The following SLC16A12 variants were observed in gnomAD, a reference collection of about 807,000 sequenced individuals.
The protein encoded by SLC16A12 is solute carrier family 16 member 12.
SLC16A12 carries 17 observed loss-of-function variants against 42.4 expected under a neutral mutation model. The ratio of observed to expected loss-of-function variants is 0.40; its 90% CI spans 0.27 to 0.60. SLC16A12 has a LOEUF of 0.60. Ranked by LOEUF, SLC16A12 falls within the 20% of genes least tolerant of loss-of-function variation. The probability of loss-of-function intolerance (pLI) is 0.42; values close to 1 mark genes in which losing one functional copy is unlikely to be tolerated. For synonymous variants in SLC16A12, 224 were observed against 229.4 expected, an observed-to-expected ratio of 0.98 and a Z score of 0.21; for missense variants, 544 against 623.0, an observed-to-expected ratio of 0.87 and a Z score of 1.35.
chr10:89,500,434 A>C (rs1211564479), intron 2 of SLC16A12, among the ~76,000 whole-genome samples: 1 of 152,234 alleles, frequency 6.6e-6, no homozygotes, highest in East Asian at 1.9e-4. Flanking sequence ...TCAAAAAGAT[A>C]ATCCACCATG....
chr10:89,454,598 C>G (rs1842154372), intron 3 of SLC16A12, among the ~76,000 whole-genome samples: 1 of 151,896 alleles, frequency 6.6e-6, no homozygotes, highest in Non-Finnish European at 1.5e-5. Context: ...TTCTGCTTGC[C>G]TCTTTTAACA....
chr10:89,529,470 AC>A (rs1843505921), intron 2 of SLC16A12, among the ~76,000 whole-genome samples: 2 of 151,832 alleles, frequency 1.3e-5, no homozygotes, highest in African/African-American at 4.8e-5. Flanking sequence ...GAGCCAGAAG[AC>A]GGTGTTAGGG....
chr10:89,452,255 G>T (rs1289767412), intron 3 of SLC16A12, among the ~76,000 whole-genome samples: 1 of 152,190 alleles, frequency 6.6e-6, no homozygotes, highest in African/African-American at 2.4e-5. Flanking sequence ...AATAAAAACA[G>T]TTGAGTTAGT....
chr10:89,486,648 AAAGAAAG>A (rs1564585921), intron 2 of SLC16A12, among the ~76,000 whole-genome samples: 4 of 118,656 alleles, frequency 3.4e-5, no homozygotes, highest in Non-Finnish European at 7.3e-5. Flanking sequence ...AGAAAGAAAG[AAAGAAAG>A]AAAGAAAGAA....
At chr10:89,486,620 A>T (rs1304224450) in intron 2 of SLC16A12, among the ~76,000 whole-genome samples, 4 of 116,748 alleles carry the variant, frequency 3.4e-5, no homozygotes, top group African/African-American at 1.5e-4. Context: ...AGAAAGAAAG[A>T]AAGAAAGAAA....
intron 3 of SLC16A12, chr10:89,455,979 AT>A (rs1251663727): frequency 6.6e-6 from 1 of 152,220 alleles, no homozygotes; most frequent in African/African-American, 2.4e-5. Flanking sequence ...ACGAAATGAC[AT>A]TCTCAAAAAT....
intron 2 of SLC16A12, among the ~76,000 whole-genome samples, chr10:89,474,602 C>T (rs545725126): frequency 6.6e-6 from 1 of 152,252 alleles, no homozygotes; most frequent in East Asian, 1.9e-4. Context: ...GTATTTAACA[C>T]AACCAGCTTC....
intron 2 of SLC16A12, among the ~76,000 whole-genome samples, chr10:89,530,598 A>G (rs796926801): frequency 5.2e-4 from 79 of 151,858 alleles, no homozygotes; most frequent in African/African-American, 1.8e-3. Context: ...TTTGTACTTT[A>G]GTACTAGAGA....
chr10:89,525,515 T>C (rs1843436152), intron 2 of SLC16A12, among the ~76,000 whole-genome samples: 2 of 152,082 alleles, frequency 1.3e-5, no homozygotes, highest in African/African-American at 4.8e-5. Flanking sequence ...AAGGAAAAAA[T>C]GTATGGGGCT....
At chr10:89,437,712 T>C (rs1425413901) in intron 6 of SLC16A12, among the ~76,000 whole-genome samples, 1 of 152,166 alleles carries the variant, frequency 6.6e-6, no homozygotes, top group Non-Finnish European at 1.5e-5. Flanking sequence ...TCCTGATTAA[T>C]TACCAAAAAC....
chr10:89,515,919 C>T (rs1843243924), intron 2 of SLC16A12, among the ~76,000 whole-genome samples: 1 of 152,104 alleles, frequency 6.6e-6, no homozygotes, highest in African/African-American at 2.4e-5. Context: ...CCTTGCAGAG[C>T]CAATTATATC....
upstream of SLC16A12, among the ~76,000 whole-genome samples, chr10:89,539,894 T>TTTCTTTCA (rs1408978316): frequency 6.8e-6 from 1 of 147,418 alleles, no homozygotes; most frequent in Admixed American, 6.7e-5. Context: ...TCTTTCTTTC[T>TTTCTTTCA]TTCTTTCTTT....
rs563930882 is a variant in SLC16A12 at position 89,481,686 on chromosome 10, T to A, written c.-46-19062A>T. ...GTGTGAGAGAGAGAGAGAGTGTGTGTGTGTGTGTGTGTGTGTGTAAAACAA... is the reference window on the plus strand; with the variant it reads ...GTGTGAGAGAGAGAGAGAGTGTGTGAGTGTGTGTGTGTGTGTGTAAAACAA... On this transcript the variant is annotated intron_variant, in intron 2 of 7. Coordinates refer to ENST00000371790, the MANE Select transcript of SLC16A12 (RefSeq NM_213606.4). Among the ~76,000 whole-genome samples the A allele has an allele frequency of 8.5e-4, 127 of 150,104 alleles. 1 individual carries two copies. Among genetic ancestry groups the A allele is most frequent in the African/African-American group, 2.9e-3 (120 of 40,744 alleles).
At chr10:89,490,957 A>G (rs993191328) in intron 2 of SLC16A12, among the ~76,000 whole-genome samples, 1 of 152,248 alleles carries the variant, frequency 6.6e-6, no homozygotes, top group African/African-American at 2.4e-5. Flanking sequence ...CTCACTCCAG[A>G]GCTATTTCAA....
At chr10:89,436,393 C>T in intron 6 of SLC16A12, 74 bp from the exon 7 acceptor site, 3 of 1,547,716 alleles carry the variant, frequency 1.9e-6, no homozygotes, top group Non-Finnish European at 2.7e-6. Context: ...CACGGCTATG[C>T]AGCAGTAAGC....
chr10:89,482,776 C>T (rs1842686224), intron 2 of SLC16A12, among the ~76,000 whole-genome samples: 1 of 142,842 alleles, frequency 7.0e-6, no homozygotes. Flanking sequence ...AGAGTGAGAC[C>T]CTGTCTAAAA....
At chr10:89,509,175 A>G (rs906143068) in intron 2 of SLC16A12, among the ~76,000 whole-genome samples, 3 of 152,208 alleles carry the variant, frequency 2.0e-5, no homozygotes, top group Non-Finnish European at 4.4e-5. Flanking sequence ...TATAAAGAGG[A>G]GCTGGTACCA....
chr10:89,447,015 C>T (rs1418617444), intron 3 of SLC16A12, among the ~76,000 whole-genome samples: 2 of 152,014 alleles, frequency 1.3e-5, no homozygotes, highest in African/African-American at 4.8e-5. Context: ...ACAAAGAAGG[C>T]CATTACATAA....
intron 3 of SLC16A12, among the ~76,000 whole-genome samples, chr10:89,454,654 T>C (rs1482732630): frequency 6.6e-6 from 1 of 151,948 alleles, no homozygotes; most frequent in Non-Finnish European, 1.5e-5. Flanking sequence ...CTTCACTTTT[T>C]TTTTTCTTTT....
Sources: gnomAD v4.1 joint callset for allele counts (sites outside exome capture counted in the v4.1 genomes callset) on GRCh38, gnomAD v4.1.1 for gene constraint, MANE v1.5 for transcripts, NCBI Gene and HGNC (gene_info 2026-07-23, HGNC 2026-07-21) for gene names.